Variants in USP13 observed in about 807,000 individuals in gnomAD.
USP13 encodes ubiquitin specific peptidase 13, also known as ubiquitin carboxyl-terminal hydrolase 13.
USP13 carries 68 observed loss-of-function variants against 107.8 expected under a neutral mutation model. The ratio of observed to expected loss-of-function variants is 0.63; its 90% CI spans 0.52 to 0.77. USP13 has a LOEUF of 0.77. USP13 is among the 30% of genes least tolerant of loss of function. USP13 has a pLI of 0.00. For synonymous variants in USP13, 377 were observed against 389.5 expected (o/e 0.97, Z 0.38); for missense variants, 945 against 1,093.3 (o/e 0.86, Z 1.91).
At chr3:179,725,481 T>G (rs952115363) in intron 8 of USP13, among the ~76,000 whole-genome samples, 2 of 152,242 alleles carry the variant, frequency 1.3e-5, no homozygotes, top group African/African-American at 2.4e-5. Context: ...CAAAGAAGCA[T>G]GCTCTGTTAA....
intron 1 of USP13, among the ~76,000 whole-genome samples, chr3:179,657,607 T>A (rs547253726): frequency 6.7e-6 from 1 of 149,716 alleles, no homozygotes; most frequent in African/African-American, 2.5e-5. Context: ...CTAAAAAAAA[T>A]ACAAAAATCA....
rs1192881950 is a variant in USP13, at chr3:179,765,739, T to TAA, written c.2304_2305insAA (p.Glu769LysfsTer10). 1.2e-6 allele frequency: 2 copies of TAA among 1,614,020 alleles called. No homozygotes were observed. The highest frequency in any genetic ancestry group is 1.7e-6 in the Non-Finnish European group (2 of 1,179,962). ...CACTGGATTGGATCTTTAGCCACCC[T>TAA]GAGTTTGAAGAAGACAGTGATTTTG... On this transcript the variant is annotated frameshift_variant, in exon 19 of 21. Coordinates refer to ENST00000263966, the MANE Select transcript of USP13 (RefSeq NM_003940.3). LOFTEE classifies it high-confidence loss of function.
chr3:179,777,443 C>CT lies in USP13; in HGVS notation c.2414-4276dup, dbSNP rs11317182. The stretch of plus-strand genomic sequence containing the variant: ...GGGGTATTGTATCCTCTCTCTCTCT[C>CT]TTTTTTTTTTTTTTTTTTTTCTTTT... On this transcript the variant is annotated intron_variant, in intron 19 of 20. Transcript: ENST00000263966. Among the ~76,000 whole-genome samples the CT allele has an allele frequency of 7.2e-3, 819 of 113,642 alleles. 4 individuals carry two copies. The highest frequency in any genetic ancestry group is 8.3e-3 in the Non-Finnish European group (477 of 57,502). The allele number at this position is 113,642 out of a possible 152,430, so 74.6% of individuals were successfully genotyped here. A position where few individuals can be genotyped will look rare whatever the true frequency, so the allele number is the denominator to read the frequency against.
intron 13 of USP13, among the ~76,000 whole-genome samples, chr3:179,750,326 G>GTGTGTATATATATATA (rs1553797370): frequency 8.4e-4 from 64 of 75,844 alleles, no homozygotes; most frequent in East Asian, 2.3e-3. Flanking sequence ...ATATATGTGT[G>GTGTGTATATATATATA]TATATATATA....
rs4855109 is a variant in USP13 at position 179,721,748 on chromosome 3, G to A, written c.1088+159G>A. Among the ~76,000 whole-genome samples, 37,746 of 151,910 alleles carry A rather than the reference G, an allele frequency of 0.25. 5,199 individuals are homozygous for A. Among genetic ancestry groups the A allele is most frequent in the African/African-American group, 0.35 (14,398 of 41,370 alleles). On this transcript the variant is annotated intron_variant, in intron 8 of 20. Coordinates refer to ENST00000263966, the MANE Select transcript of USP13 (RefSeq NM_003940.3). The surrounding 1 kb of genome is among the most constrained non-coding windows in gnomAD (Gnocchi z 4.3). ...CTACAGAGACTGGGTGAGAACACTT[G>A]TCAAGTATTATGGGGATCAGGTGAG...
At chr3:179,769,233 A>AC (rs1204606264) in intron 19 of USP13, among the ~76,000 whole-genome samples, 1 of 152,224 alleles carries the variant, frequency 6.6e-6, no homozygotes, top group Non-Finnish European at 1.5e-5. Context: ...ACATGTATAT[A>AC]CATCTATATT....
At chr3:179,737,975 G>A (rs1714052750) in intron 10 of USP13, among the ~76,000 whole-genome samples, 1 of 152,228 alleles carries the variant, frequency 6.6e-6, no homozygotes, top group Admixed American at 6.5e-5. Context: ...ATGTGTGTTG[G>A]AGGGATGTTA....
At chr3:179,729,561 T>C (rs1223741670) in intron 8 of USP13, among the ~76,000 whole-genome samples, 1 of 152,196 alleles carries the variant, frequency 6.6e-6, no homozygotes, top group Non-Finnish European at 1.5e-5. Context: ...AACCTCCACC[T>C]CCAGGGTTCA....
In USP13 at chr3:179,764,055, G is replaced by T. The variant is rs781756932; in HGVS notation, c.2146G>T (p.Ala716Ser). 39 of 1,613,974 alleles carry T rather than the reference G, an allele frequency of 2.4e-5. No homozygotes were observed. Among genetic ancestry groups the T allele is most frequent in the Admixed American group, 5.0e-5 (3 of 59,990 alleles). The change falls in exon 18 of 21, where the codon GCC becomes TCC. Residue 716 changes from alanine (A) to serine (S), a missense_variant. Ala to Ser is a moderately conservative substitution (Grantham distance 99). Coordinates refer to ENST00000263966, the MANE Select transcript of USP13 (RefSeq NM_003940.3). ...PGYGGAASAG[A>S]SVFGASGLDN... ...TTATGGAGGGGCAGCTTCTGCTGGA[G>T]CCTCTGTTTTTGGTGCTTCTGGACT...
intron 4 of USP13, among the ~76,000 whole-genome samples, chr3:179,702,176 C>A (rs948396334): frequency 6.6e-6 from 1 of 152,158 alleles, no homozygotes; most frequent in East Asian, 1.9e-4. Flanking sequence ...CCCGCCATCA[C>A]GCCTAGAGAT....
chr3:179,687,268 A>G (rs1343200127), intron 2 of USP13, among the ~76,000 whole-genome samples: 1 of 152,056 alleles, frequency 6.6e-6, no homozygotes, highest in Non-Finnish European at 1.5e-5. Context: ...TCTGTGTCTT[A>G]CTGGTGATCT....
At chr3:179,778,691 C>T (rs1014227557) in intron 19 of USP13, among the ~76,000 whole-genome samples, 3 of 151,374 alleles carry the variant, frequency 2.0e-5, no homozygotes, top group African/African-American at 4.9e-5. Flanking sequence ...GCTTGAATCC[C>T]GGAGGCGGAG....
At chr3:179,778,436 A>T (rs969598803) in intron 19 of USP13, among the ~76,000 whole-genome samples, 1 of 152,200 alleles carries the variant, frequency 6.6e-6, no homozygotes, top group African/African-American at 2.4e-5. Flanking sequence ...CTGGGGTAAA[A>T]GCTGATAGAC....
Position 179,653,456 on chromosome 3 carries a change from G to T in USP13, c.168+63G>T. 6.6e-7 allele frequency: 1 copy of T among 1,521,882 alleles called. No individual in the cohort carries two copies. Among genetic ancestry groups the T allele is most frequent in the African/African-American group, 1.4e-5 (1 of 71,680 alleles). The allele number at this position is 1,521,882 out of a possible 1,614,324, so 94.3% of individuals were successfully genotyped here. On this transcript the variant is annotated intron_variant, in intron 1 of 20. Transcript: ENST00000263966. The surrounding 1 kb of genome is among the most constrained non-coding windows in gnomAD (Gnocchi z 4.0). ...CGGCCTGCGGCACGTGAAGCCGGGG[G>T]AGAAGATGCGCAGTGGCGGCCGGGA...
intron 4 of USP13, among the ~76,000 whole-genome samples, chr3:179,705,731 T>A (rs56018100): frequency 0.056 from 8,486 of 151,780 alleles, 266 homozygotes; most frequent in Non-Finnish European, 0.068. Context: ...ATTAAAAAAA[T>A]TTTTTTTTGA....
chr3:179,753,310 G>A (rs1036808885), intron 14 of USP13, among the ~76,000 whole-genome samples: 2 of 152,164 alleles, frequency 1.3e-5, no homozygotes, highest in Non-Finnish European at 2.9e-5. Context: ...ATTGTGCTGG[G>A]CTGTTACTGA....
At chr3:179,656,412 G>T (rs1386778056) in intron 1 of USP13, among the ~76,000 whole-genome samples, 1 of 152,200 alleles carries the variant, frequency 6.6e-6, no homozygotes, top group African/African-American at 2.4e-5. Flanking sequence ...CATGTCTAAG[G>T]CACTGTCTGT....
At chr3:179,714,757 C>G (rs1713047521) in intron 6 of USP13, among the ~76,000 whole-genome samples, 1 of 152,130 alleles carries the variant, frequency 6.6e-6, no homozygotes, top group Admixed American at 6.5e-5. Flanking sequence ...ATTGGCTCCT[C>G]TGATTTACCT....
At chr3:179,758,873 A>G (rs932405129) in intron 16 of USP13, among the ~76,000 whole-genome samples, 14 of 152,176 alleles carry the variant, frequency 9.2e-5, no homozygotes, top group African/African-American at 3.4e-4. Flanking sequence ...TGGAGTAGGC[A>G]GAAGAATCAT....
Sources: allele counts gnomAD v4.1 joint callset (sites outside exome capture counted in the v4.1 genomes callset), GRCh38; gene constraint gnomAD v4.1.1; non-coding constraint Gnocchi (gnomAD v3.1); transcripts MANE v1.5; gene names NCBI Gene and HGNC (gene_info 2026-07-23, HGNC 2026-07-21).